DNAAF9: variants seen among roughly 807,000 people sequenced by gnomAD.
DNAAF9 encodes dynein axonemal assembly factor 9.
A neutral mutation model predicts 167.0 loss-of-function variants in DNAAF9; 90 were observed. That is an observed-to-expected ratio of 0.54 (90% CI 0.45 to 0.64). The LOEUF (loss-of-function observed/expected upper bound fraction) is 0.64, where lower values mean the gene tolerates loss of function less well. DNAAF9 is among the 30% of genes least tolerant of loss of function. The pLI, the probability that DNAAF9 is intolerant of heterozygous loss-of-function variation, is 0.00. For synonymous variants in DNAAF9, 491 were observed against 508.8 expected, an observed-to-expected ratio of 0.96 and a Z score of 0.47; for missense variants, 1,315 against 1,442.2, an observed-to-expected ratio of 0.91 and a Z score of 1.43.
intron 7 of DNAAF9, among the ~76,000 whole-genome samples, chr20:3,356,110 C>T (rs1348294401): frequency 3.3e-5 from 5 of 152,130 alleles, no homozygotes; most frequent in African/African-American, 7.2e-5. Flanking sequence ...TTCCATCTCT[C>T]GGGTTCAAGT....
intron 25 of DNAAF9, among the ~76,000 whole-genome samples, chr20:3,291,454 C>T: frequency 6.6e-6 from 1 of 151,854 alleles, no homozygotes; most frequent in Non-Finnish European, 1.5e-5. Flanking sequence ...AGTGATTCTC[C>T]TGCCTCAGCC....
chr20:3,294,406 C>T (rs41281882), intron 24 of DNAAF9, 122 bp downstream of exon 24: 55,363 of 799,790 alleles, frequency 0.069, 2,292 homozygotes, highest in Non-Finnish European at 0.081. Context: ...TGTGTTACTG[C>T]GACATTTTAC....
chr20:3,329,402 G>C (rs6051751), intron 12 of DNAAF9, among the ~76,000 whole-genome samples: 29,929 of 152,094 alleles, frequency 0.2, 3,159 homozygotes, highest in African/African-American at 0.25. Flanking sequence ...CAAGCCATCT[G>C]CCTGCCTCGG....
chr20:3,393,831 T>A (rs2083862368), intron 1 of DNAAF9, among the ~76,000 whole-genome samples: 1 of 152,230 alleles, frequency 6.6e-6, no homozygotes, highest in Non-Finnish European at 1.5e-5. Flanking sequence ...CACAAGTTTC[T>A]AAATTATGTG....
At chr20:3,379,278 G>A (rs2083614986) in intron 3 of DNAAF9, among the ~76,000 whole-genome samples, 1 of 151,864 alleles carries the variant, frequency 6.6e-6, no homozygotes, top group Non-Finnish European at 1.5e-5. Flanking sequence ...AGGTAAAAGA[G>A]GAAAGCATAT....
At chr20:3,349,204 C>CA (rs56109511) in intron 7 of DNAAF9, among the ~76,000 whole-genome samples, 8 of 85,540 alleles carry the variant, frequency 9.4e-5, no homozygotes, top group Non-Finnish European at 1.7e-4. Context: ...AAAAAAAAAA[C>CA]AAAAAAAAAA....
At position 3,343,701 on chromosome 20, in the gene DNAAF9, T is replaced by A; in HGVS notation, c.820A>T (p.Ile274Phe). Residue 274 changes from isoleucine to phenylalanine, a missense_variant, in exon 9 of 37, where the codon ATC (isoleucine) becomes TTC (phenylalanine). Transcript: ENST00000252032. ...CTGTTTTCAGTTATATGGCTAGAGA[T>A]CATTCCATGACTGAAATAACTTCTG... ...PFRSYFSHGMISSHITENSPN... is the reference protein window; with the variant it reads ...PFRSYFSHGMFSSHITENSPN... The A allele has an allele frequency of 6.2e-7, 1 of 1,612,788 alleles. No individual in the cohort carries two copies.
chr20:3,378,155 T>TCAATAC (rs756058455), intron 3 of DNAAF9, among the ~76,000 whole-genome samples: 4 of 151,996 alleles, frequency 2.6e-5, no homozygotes, highest in Non-Finnish European at 5.9e-5. Flanking sequence ...ACTGCAGAGG[T>TCAATAC]CAATACCATA....
intron 6 of DNAAF9, among the ~76,000 whole-genome samples, chr20:3,371,533 C>T (rs1490470006): frequency 7.9e-5 from 12 of 151,598 alleles, no homozygotes; most frequent in Admixed American, 5.3e-4. Context: ...TTAGTAGAGA[C>T]GGGGTTTCAC....
intron 21 of DNAAF9, among the ~76,000 whole-genome samples, chr20:3,300,505 G>A (rs2069165533): frequency 6.6e-6 from 1 of 151,510 alleles, no homozygotes; most frequent in South Asian, 2.1e-4. Flanking sequence ...CTAGAGCACA[G>A]TGTGGCATGA....
At chr20:3,275,745 A>G (rs542228613) in intron 29 of DNAAF9, among the ~76,000 whole-genome samples, 7 of 152,316 alleles carry the variant, frequency 4.6e-5, no homozygotes, top group African/African-American at 1.4e-4. Context: ...TCTGTTCTGT[A>G]TCAAGGAGTG....
intron 23 of DNAAF9, chr20:3,296,198 G>T: frequency 1.8e-6 from 1 of 547,912 alleles, no homozygotes; most frequent in South Asian, 1.4e-5. Context: ...GAGCCTAGGA[G>T]GTCAAGGCTG....
In DNAAF9 at chr20:3,287,665, C is replaced by CGGAT; in HGVS notation, c.2449_2452dup (p.Arg818HisfsTer19). Reference sequence around the variant, plus strand: ...CACCACCAGCAGTCTGGTCTTCTTGCGGATGTAGGCTGACTGGCGCGCAGA... The same window carrying CGGAT: ...CACCACCAGCAGTCTGGTCTTCTTGCGGATGGATGTAGGCTGACTGGCGCGCAGA... On this transcript the variant is annotated frameshift_variant, in exon 27 of 37. Coordinates refer to ENST00000252032, the MANE Select transcript of DNAAF9 (RefSeq NM_001009984.3). LOFTEE classifies it high-confidence loss of function. 6.2e-7 allele frequency: 1 copy of CGGAT among 1,614,226 alleles called. No individual in the cohort carries two copies. Among genetic ancestry groups the CGGAT allele is most frequent in the Non-Finnish European group, 8.5e-7 (1 of 1,180,046 alleles).
intron 30 of DNAAF9, among the ~76,000 whole-genome samples, chr20:3,265,576 GAAAAAAAA>G (rs1228259726): frequency 3.0e-5 from 1 of 33,888 alleles, no homozygotes; most frequent in African/African-American, 1.0e-4. Flanking sequence ...CTCTGTCTCA[GAAAAAAAA>G]AAAAAAAAAA....
rs150641546 is a variant in DNAAF9 at position 3,316,764 on chromosome 20, C to T, written c.1498G>A (p.Val500Ile). Residue 500 changes from valine (V) to isoleucine (I), a missense_variant, in exon 18 of 37, where the codon GTA (valine) becomes ATA (isoleucine). Val to Ile is a conservative substitution (Grantham distance 29). Coordinates refer to ENST00000252032, the MANE Select transcript of DNAAF9 (RefSeq NM_001009984.3). ...DGTVTTETSS[V>I]VLTAAVPRFC... ...CTGGGTACAGCAGCAGTCAGGACTACGGAGCTGGTTTCTGTGGTAACAGTG... is the reference window on the plus strand; with the variant it reads ...CTGGGTACAGCAGCAGTCAGGACTATGGAGCTGGTTTCTGTGGTAACAGTG... 1.8e-5 allele frequency: 29 copies of T among 1,613,608 alleles called. No individual in the cohort carries two copies. The highest frequency in any genetic ancestry group is 5.3e-5 in the African/African-American group (4 of 74,908).
chr20:3,378,278 G>C (rs938952235), intron 3 of DNAAF9, among the ~76,000 whole-genome samples: 21 of 152,138 alleles, frequency 1.4e-4, no homozygotes, highest in Admixed American at 1.1e-3. Flanking sequence ...TGGCTCATCT[G>C]GCTCTAAGGC....
chr20:3,392,287 A>G (rs966038125), intron 1 of DNAAF9, among the ~76,000 whole-genome samples: 1 of 152,224 alleles, frequency 6.6e-6, no homozygotes, highest in Non-Finnish European at 1.5e-5. Context: ...TTCTACCTTT[A>G]GAAGACGCAT....
In DNAAF9 at chr20:3,304,514, G is replaced by C. The variant is rs1222569091; in HGVS notation, c.1708C>G (p.Leu570Val). ...CTTCTATGACGACAGTGAGAAAACA[G>C]AAGGCCACTAGAGAAGAAATGAACA... Reference protein sequence around the residue: ...GNVHFFSSGLLFSHCRHRSII... With the variant: ...GNVHFFSSGLVFSHCRHRSII... Residue 570 changes from leucine to valine, a missense_variant, in exon 21 of 37, where the codon CTG becomes GTG. Transcript: ENST00000252032. 6.6e-7 allele frequency: 1 copy of C among 1,509,354 alleles called. No individual in the cohort carries two copies. Among genetic ancestry groups the C allele is most frequent in the Admixed American group, 1.7e-5 (1 of 59,808 alleles). 93.5% of individuals were successfully genotyped at this position (1,509,354 alleles called of 1,614,324 possible).
At chr20:3,307,967 T>A (rs1261749848) in intron 20 of DNAAF9, among the ~76,000 whole-genome samples, 11 of 123,428 alleles carry the variant, frequency 8.9e-5, no homozygotes, top group Non-Finnish European at 1.3e-4. Context: ...ACACAAGGTT[T>A]AAAAAAAAAA....
Sources: gnomAD v4.1 joint callset for allele counts (sites outside exome capture counted in the v4.1 genomes callset) on GRCh38, gnomAD v4.1.1 for gene constraint, MANE v1.5 for transcripts, NCBI Gene and HGNC (gene_info 2026-07-23, HGNC 2026-07-21) for gene names.